FTO: variants seen among roughly 807,000 people sequenced by gnomAD.
The protein encoded by FTO is alpha-ketoglutarate-dependent dioxygenase FTO.
In FTO, 47 loss-of-function variants were observed where a neutral mutation model predicts 63.9. That is an observed-to-expected ratio of 0.74 (90% CI 0.58 to 0.94). The LOEUF (loss-of-function observed/expected upper bound fraction) is 0.94. Among genes scored for constraint, FTO ranks in the 40% least tolerant of loss-of-function variants. FTO has a pLI of 0.00. For synonymous variants in FTO, 207 were observed against 224.4 expected (o/e 0.92, Z 0.69); for missense variants, 562 against 618.1 (o/e 0.91, Z 0.96).
At chr16:53,858,697 G>C (rs2080080512) in intron 4 of FTO, among the ~76,000 whole-genome samples, 1 of 151,824 alleles carries the variant, frequency 6.6e-6, no homozygotes, top group Non-Finnish European at 1.5e-5. Context: ...GTCTTGATCT[G>C]TCACCCAGGC....
At chr16:53,727,048 C>T (rs1389955582) in intron 1 of FTO, among the ~76,000 whole-genome samples, 1 of 152,000 alleles carries the variant, frequency 6.6e-6, no homozygotes, top group Non-Finnish European at 1.5e-5. Context: ...AAGAAGTTTC[C>T]CCTCTTCTTT....
intron 8 of FTO, among the ~76,000 whole-genome samples, chr16:53,958,603 A>C (rs550375704): frequency 3.9e-5 from 6 of 152,312 alleles, no homozygotes; most frequent in African/African-American, 1.4e-4. Context: ...TTGAAATCCA[A>C]AGTTACCAGG....
chr16:54,026,000 A>C (rs1360467682), intron 8 of FTO, among the ~76,000 whole-genome samples: 1 of 149,630 alleles, frequency 6.7e-6, no homozygotes. Flanking sequence ...CAACAGAGCA[A>C]GGCTCTGGCT....
At chr16:53,832,719 C>A (rs915375458) in intron 3 of FTO, among the ~76,000 whole-genome samples, 7 of 152,122 alleles carry the variant, frequency 4.6e-5, no homozygotes, top group African/African-American at 1.2e-4. Context: ...TCCCTTGTAT[C>A]CTTTTTTATT....
chr16:53,826,104 G>T lies in FTO; in HGVS notation c.364G>T (p.Gly122Trp), dbSNP rs867050060. 2 of 1,614,040 alleles carry T rather than the reference G, an allele frequency of 1.2e-6. No individual in the cohort carries two copies. Among genetic ancestry groups the T allele is most frequent in the African/African-American group, 2.7e-5 (2 of 74,920 alleles). Residue 122 changes from glycine to tryptophan, a missense_variant, in exon 3 of 9, where the codon GGG becomes TGG. By Grantham distance (184) the Gly-to-Trp change is radical. Transcript: ENST00000471389. ...RLFTVPWPVK[G>W]SNIKHTEAEI... The stretch of plus-strand genomic sequence containing the variant: ...CTTTACGGTCCCCTGGCCAGTGAAA[G>T]GGTCTAATATAAAACACACCGAGGC...
In FTO at chr16:53,916,318, C is replaced by T. The variant is rs77569047; in HGVS notation, c.1240-17667C>T. 1.2e-3 allele frequency among the ~76,000 whole-genome samples: 185 copies of T among 152,138 alleles called. No homozygotes were observed. In the East Asian group the frequency reaches 0.018, roughly 15 times the overall value. ...GCTTATGATGAAGGGTACCACTATC[C>T]GGTTCATATGCTTGGGTCTCTCTGT... On this transcript the variant is annotated intron_variant, in intron 7 of 8. Coordinates refer to ENST00000471389, the MANE Select transcript of FTO (RefSeq NM_001080432.3).
chr16:53,936,098 T>C (rs1319795792), intron 8 of FTO, among the ~76,000 whole-genome samples: 1 of 152,236 alleles, frequency 6.6e-6, no homozygotes, highest in Non-Finnish European at 1.5e-5. Context: ...GTGGCCTGTT[T>C]AAAAGGAATC....
At chr16:53,984,992 T>A (rs1567495750) in intron 8 of FTO, 1 of 456,344 alleles carries the variant, frequency 2.2e-6, no homozygotes, top group Non-Finnish European at 4.4e-6. Context: ...CAGCTGCCAT[T>A]GATGTCCTTC....
intron 8 of FTO, among the ~76,000 whole-genome samples, chr16:53,996,166 C>T (rs1183545827): frequency 2.0e-5 from 3 of 152,176 alleles, no homozygotes; most frequent in African/African-American, 7.2e-5. Flanking sequence ...TGAAACCTCC[C>T]ATTTCCAGAC....
intron 8 of FTO, among the ~76,000 whole-genome samples, chr16:53,963,687 C>T (rs1369349620): frequency 6.6e-6 from 1 of 152,204 alleles, no homozygotes; most frequent in Non-Finnish European, 1.5e-5. Context: ...CCTGAGGCCT[C>T]CCCAGAAGCT....
intron 8 of FTO, among the ~76,000 whole-genome samples, chr16:54,093,513 C>T (rs1455264062): frequency 2.6e-5 from 4 of 152,266 alleles, no homozygotes; most frequent in East Asian, 1.9e-4. Flanking sequence ...CCTGACTCAC[C>T]GCCGAGCTCT....
chr16:53,795,994 G>A (rs2151700496), intron 1 of FTO, among the ~76,000 whole-genome samples: 1 of 151,358 alleles, frequency 6.6e-6, no homozygotes, highest in East Asian at 1.9e-4. Flanking sequence ...CTGCTCTTTA[G>A]CAAGAAGAAA....
At chr16:53,853,334 T>G (rs948063775) in intron 4 of FTO, among the ~76,000 whole-genome samples, 3 of 152,150 alleles carry the variant, frequency 2.0e-5, no homozygotes, top group African/African-American at 7.2e-5. Flanking sequence ...TAAATTTCAG[T>G]AGCCTTAGGG....
At chr16:53,984,871 C>T (rs1405427000) in intron 8 of FTO, 21 of 452,378 alleles carry the variant, frequency 4.6e-5, no homozygotes, top group African/African-American at 4.2e-4. Flanking sequence ...TTAGCTGTCG[C>T]TTTTTCTCTT....
intron 1 of FTO, chr16:53,711,539 T>C (rs1468550611): frequency 2.5e-6 from 1 of 398,114 alleles, no homozygotes; most frequent in East Asian, 3.6e-5. Flanking sequence ...CTAGTAGTCA[T>C]GGAATTCCTT....
intron 8 of FTO, among the ~76,000 whole-genome samples, chr16:54,009,557 C>T (rs987408692): frequency 5.9e-5 from 9 of 152,056 alleles, no homozygotes; most frequent in African/African-American, 2.2e-4. Flanking sequence ...TCGAATTCAG[C>T]AGGTTTGGGT....
chr16:53,775,072 C>A (rs16952524), intron 1 of FTO, among the ~76,000 whole-genome samples: 2,614 of 152,056 alleles, frequency 0.017, 69 homozygotes, highest in African/African-American at 0.06. Context: ...GCAAAAGGGT[C>A]TGAGAAATAA....
chr16:53,928,277 T>G (rs1490936941), intron 7 of FTO, among the ~76,000 whole-genome samples: 1 of 152,062 alleles, frequency 6.6e-6, no homozygotes. Context: ...TAGCCACCAG[T>G]GCACGTTTCC....
chr16:53,955,637 G>T (rs1370860521), intron 8 of FTO, among the ~76,000 whole-genome samples: 2 of 152,222 alleles, frequency 1.3e-5, no homozygotes, highest in African/African-American at 2.4e-5. Context: ...AGTTTCCACT[G>T]TGTGGCCAGT....
Sources: gnomAD v4.1 joint callset for allele counts (sites outside exome capture counted in the v4.1 genomes callset) on GRCh38, gnomAD v4.1.1 for gene constraint, MANE v1.5 for transcripts, NCBI Gene and HGNC (gene_info 2026-07-23, HGNC 2026-07-21) for gene names.